The following NTRK3 variants were observed in gnomAD, a reference collection of about 807,000 sequenced individuals.
The protein encoded by NTRK3 is NT-3 growth factor receptor.
Under a neutral mutation model 91.7 loss-of-function variants are expected in NTRK3, and 24 were observed. The observed-to-expected ratio is 0.26, with a 90% CI of 0.19 to 0.37. NTRK3 has a LOEUF of 0.37. Among genes scored for constraint, NTRK3 ranks in the 10% least tolerant of loss-of-function variants. The pLI is 1.00. For synonymous variants in NTRK3, 483 were observed against 404.0 expected, an observed-to-expected ratio of 1.20 and a Z score of -2.34; for missense variants, 880 against 1,068.9, an observed-to-expected ratio of 0.82 and a Z score of 2.46.
chr15:87,933,166 G>A (rs941506050), exon 16 of NTRK3: 18 of 1,614,170 alleles, frequency 1.1e-5, no homozygotes, highest in Non-Finnish European at 1.5e-5. Context: ...CGGGCAGCCA[G>A]GGTGGGATCC....
At chr15:87,940,250 G>A (rs1056934389) in intron 15 of NTRK3, among the ~76,000 whole-genome samples, 2 of 152,134 alleles carry the variant, frequency 1.3e-5, no homozygotes, top group Non-Finnish European at 2.9e-5. Context: ...CAGCTACTGA[G>A]AAATGGCCAT....
chr15:88,252,237 C>CT lies in NTRK3; in HGVS notation c.248+3668dup, dbSNP rs576838331. 1.6e-3 allele frequency among the ~76,000 whole-genome samples: 246 copies of CT among 152,188 alleles called. 1 individual carries two copies. In the South Asian group the frequency reaches 0.02, roughly 12 times the overall value. On this transcript the variant is annotated intron_variant, in intron 3 of 18. Coordinates refer to ENST00000394480, the Ensembl canonical transcript of NTRK3. ...CTACCGAGAGTGAGCCCCATGATGC[C>CT]TTTGGGGCCTGGCTCATACCCTGCT...
chr15:87,943,988 T>A (rs1334597541), intron 14 of NTRK3, among the ~76,000 whole-genome samples: 1 of 152,108 alleles, frequency 6.6e-6, no homozygotes, highest in Non-Finnish European at 1.5e-5. Flanking sequence ...TTCCAGAATG[T>A]GGAAATACTC....
intron 13 of NTRK3, among the ~76,000 whole-genome samples, chr15:88,118,338 G>A (rs1235389528): frequency 6.6e-6 from 1 of 152,158 alleles, no homozygotes; most frequent in Non-Finnish European, 1.5e-5. Context: ...AAGACCCAGA[G>A]GAGAATATGC....
chr15:88,075,307 C>T (rs953454338), intron 13 of NTRK3, among the ~76,000 whole-genome samples: 23 of 152,182 alleles, frequency 1.5e-4, no homozygotes, highest in Non-Finnish European at 4.4e-5. Flanking sequence ...CCTGTCTAGC[C>T]GGGAACTCAG....
intron 17 of NTRK3, among the ~76,000 whole-genome samples, chr15:87,913,907 G>C (rs1456698003): frequency 6.6e-6 from 1 of 152,160 alleles, no homozygotes; most frequent in African/African-American, 2.4e-5. Context: ...CTCTCAGATG[G>C]GGCACTGGCT....
chr15:88,087,163 G>A (rs1217624837), intron 13 of NTRK3, among the ~76,000 whole-genome samples: 1 of 152,220 alleles, frequency 6.6e-6, no homozygotes, highest in Admixed American at 6.5e-5. Flanking sequence ...AAGCTCCCCA[G>A]AAGCAAAGTG....
intron 14 of NTRK3, among the ~76,000 whole-genome samples, chr15:88,022,485 A>G (rs2077672149): frequency 6.6e-6 from 1 of 152,216 alleles, no homozygotes; most frequent in African/African-American, 2.4e-5. Context: ...AAAAACATAA[A>G]TTACTTATCT....
chr15:88,245,138 T>C (rs2052699289), intron 3 of NTRK3, among the ~76,000 whole-genome samples: 1 of 152,224 alleles, frequency 6.6e-6, no homozygotes, highest in Non-Finnish European at 1.5e-5. Context: ...GTCCTTCTCT[T>C]GCCTCCGTCA....
exon 19 of NTRK3, chr15:87,871,738 C>A (rs902301748): frequency 6.2e-5 from 14 of 225,584 alleles, no homozygotes; most frequent in African/African-American, 3.1e-4. Flanking sequence ...AAAAGAGAAT[C>A]CCAAATTGAA....
chr15:87,949,425 G>C (rs1355099465), intron 14 of NTRK3, among the ~76,000 whole-genome samples: 1 of 151,968 alleles, frequency 6.6e-6, no homozygotes, highest in African/African-American at 2.4e-5. Context: ...GCACCCTTAG[G>C]CTAGAGGTAG....
intron 6 of NTRK3, among the ~76,000 whole-genome samples, chr15:88,137,940 A>T (rs2151225951): frequency 6.6e-6 from 1 of 152,016 alleles, no homozygotes; most frequent in East Asian, 1.9e-4. Context: ...AGTCCCAGCT[A>T]CTCGGGAGGC....
At chr15:88,217,522 T>G (rs1025182899) in intron 3 of NTRK3, among the ~76,000 whole-genome samples, 1 of 152,148 alleles carries the variant, frequency 6.6e-6, no homozygotes, top group Non-Finnish European at 1.5e-5. Context: ...GCTGTCCGAT[T>G]CCACTTACAT....
chr15:87,903,626 T>C (rs2066582859), intron 17 of NTRK3, among the ~76,000 whole-genome samples: 1 of 152,216 alleles, frequency 6.6e-6, no homozygotes, highest in Non-Finnish European at 1.5e-5. Context: ...TGGATAAATC[T>C]CCAGTTAAGA....
rs76539540 is a variant in NTRK3, at chr15:88,152,577, A to C, written c.396-5174T>G. Among the ~76,000 whole-genome samples the C allele has an allele frequency of 6.7e-3, 1,027 of 152,364 alleles. 50 individuals carry two copies. The East Asian group carries it at 0.13, about 19-fold the overall frequency. On this transcript the variant is annotated intron_variant, in intron 5 of 18. Transcript: ENST00000394480. Reference sequence around the variant, plus strand: ...AATGACACTTTGATCTTAGGCTTCTAGCCTCCAGAACTGTGAGGAAATAAA... The same window carrying C: ...AATGACACTTTGATCTTAGGCTTCTCGCCTCCAGAACTGTGAGGAAATAAA...
chr15:88,059,720 A>T (rs2046037804), intron 13 of NTRK3, among the ~76,000 whole-genome samples: 1 of 152,076 alleles, frequency 6.6e-6, no homozygotes, highest in Admixed American at 6.5e-5. Flanking sequence ...GTTACAAGCT[A>T]AATTGTGACC....
chr15:87,940,537 C>A (rs2069730703), intron 15 of NTRK3, 86 bp downstream of exon 15: 1 of 1,593,584 alleles, frequency 6.3e-7, no homozygotes. Context: ...TGAGCACTAT[C>A]TTCTCAAATG....
intron 13 of NTRK3, among the ~76,000 whole-genome samples, chr15:88,073,403 C>T (rs2047256413): frequency 1.3e-5 from 2 of 152,164 alleles, no homozygotes. Flanking sequence ...AGTCAAGCTC[C>T]CAGCTTGTTA....
Position 88,255,900 on chromosome 15 carries a change from A to G in NTRK3, c.248+6T>C, listed in dbSNP as rs1369539745. ...AGGCAGGCTGGGGAGCGGCCGCCTG[A>G]CTTACATGGAAGTGATATTCCTTGA... On this transcript the variant is annotated splice_donor_region_variant and intron_variant, in intron 3 of 18. Coordinates refer to ENST00000394480, the Ensembl canonical transcript of NTRK3. The surrounding 1 kb of genome is among the most constrained non-coding windows in gnomAD (Gnocchi z 4.3). 2.5e-6 allele frequency: 4 copies of G among 1,603,116 alleles called. No individual in the cohort carries two copies. Among genetic ancestry groups the G allele is most frequent in the Non-Finnish European group, 3.4e-6 (4 of 1,172,552 alleles).
Sources: gnomAD v4.1 joint callset for allele counts (sites outside exome capture counted in the v4.1 genomes callset) on GRCh38, gnomAD v4.1.1 for gene constraint, Gnocchi (gnomAD v3.1) non-coding constraint, MANE v1.5 for transcripts, NCBI Gene and HGNC (gene_info 2026-07-23, HGNC 2026-07-21) for gene names.